Variants in SOBP observed in about 807,000 individuals in gnomAD.
The protein encoded by SOBP is sine oculis-binding protein homolog.
A neutral mutation model predicts 53.6 loss-of-function variants in SOBP; 4 were observed. The observed-to-expected ratio is 0.07, with a 90% confidence interval of 0.04 to 0.17. The LOEUF (loss-of-function observed/expected upper bound fraction) is 0.17, where lower values mean the gene tolerates loss of function less well. SOBP is among the 10% of genes least tolerant of loss of function. The probability of loss-of-function intolerance (pLI) is 1.00; values close to 1 mark genes in which losing one functional copy is unlikely to be tolerated. For synonymous variants in SOBP, 584 were observed against 522.6 expected, an observed-to-expected ratio of 1.12 and a Z score of -1.60; for missense variants, 1,088 against 1,204.7, an observed-to-expected ratio of 0.90 and a Z score of 1.43.
chr6:107,593,039 T>A lies in SOBP; in HGVS notation c.669+5864T>A, dbSNP rs148678340. On this transcript the variant is annotated intron_variant, in intron 5 of 6. Transcript: ENST00000317357. The stretch of plus-strand genomic sequence containing the variant: ...CTGCACATTCCTCTGTTCCCATCTG[T>A]GCTGGTGTTTCATCTTCTTCTCCAG... Among the ~76,000 whole-genome samples the A allele has an allele frequency of 5.6e-3, 848 of 152,348 alleles. 4 individuals carry two copies. The highest frequency in any genetic ancestry group is 0.01 in the Non-Finnish European group (683 of 68,034).
At chr6:107,656,260 A>T (rs1772026902) in intron 6 of SOBP, among the ~76,000 whole-genome samples, 1 of 151,296 alleles carries the variant, frequency 6.6e-6, no homozygotes, top group East Asian at 1.9e-4. Flanking sequence ...CCCTCTCTCC[A>T]TTGTCACTTA....
chr6:107,587,817 C>G (rs1785615362), intron 5 of SOBP, among the ~76,000 whole-genome samples: 1 of 152,136 alleles, frequency 6.6e-6, no homozygotes, highest in South Asian at 2.1e-4. Context: ...GAAAAGCAAG[C>G]AGGAATGCCT....
intron 3 of SOBP, among the ~76,000 whole-genome samples, chr6:107,528,375 A>G (rs1012171689): frequency 2.4e-4 from 36 of 152,170 alleles, no homozygotes; most frequent in African/African-American, 8.7e-4. Context: ...AGTCTTATCC[A>G]TGTTCTGCTG....
intron 5 of SOBP, among the ~76,000 whole-genome samples, chr6:107,606,697 G>A (rs1030018246): frequency 6.6e-6 from 1 of 152,202 alleles, no homozygotes; most frequent in African/African-American, 2.4e-5. Flanking sequence ...CTGGGTGGGG[G>A]ATAGGGCGGC....
chr6:107,490,560 A>T lies in SOBP; in HGVS notation c.-57A>T, dbSNP rs1411759537. On this transcript the variant is annotated 5_prime_UTR_variant, in exon 1 of 7. Transcript: ENST00000317357. ...CTCCACCGCCGCCGCCGCCGCCACCACCACCGCCGGCGGCGGCAGCAGCCA... is the reference window on the plus strand; with the variant it reads ...CTCCACCGCCGCCGCCGCCGCCACCTCCACCGCCGGCGGCGGCAGCAGCCA... 1 of 1,317,460 alleles carries T rather than the reference A, an allele frequency of 7.6e-7. No individual in the cohort carries two copies. The highest frequency in any genetic ancestry group is 1.1e-6 in the Non-Finnish European group (1 of 938,396). The allele number at this position is 1,317,460 out of a possible 1,614,324, so 81.6% of individuals were successfully genotyped here.
At chr6:107,553,563 T>C (rs888479355) in intron 4 of SOBP, among the ~76,000 whole-genome samples, 1 of 151,832 alleles carries the variant, frequency 6.6e-6, no homozygotes, top group Admixed American at 6.6e-5. Context: ...CTCGGCTTAC[T>C]GCAACCTCCG....
At chr6:107,562,434 A>G (rs770172197) in intron 4 of SOBP, among the ~76,000 whole-genome samples, 54 of 152,236 alleles carry the variant, frequency 3.5e-4, no homozygotes, top group Non-Finnish European at 6.6e-4. Flanking sequence ...GCATGCTGCC[A>G]TGAGGTCTTG....
At chr6:107,500,085 A>G (rs573580161) in intron 1 of SOBP, among the ~76,000 whole-genome samples, 1 of 152,320 alleles carries the variant, frequency 6.6e-6, no homozygotes, top group East Asian at 1.9e-4. Context: ...CATTAAATTC[A>G]TGTCTCTTAG....
chr6:107,500,983 T>A (rs949680111), intron 1 of SOBP, among the ~76,000 whole-genome samples: 2 of 152,206 alleles, frequency 1.3e-5, no homozygotes, highest in Non-Finnish European at 2.9e-5. Context: ...GCTTTGAGAT[T>A]TATGGCTTGA....
intron 5 of SOBP, among the ~76,000 whole-genome samples, chr6:107,632,772 G>T (rs1255474663): frequency 6.6e-6 from 1 of 152,184 alleles, no homozygotes; most frequent in African/African-American, 2.4e-5. Context: ...GGGGGAAAAA[G>T]CCATAACAAC....
Position 107,635,379 on chromosome 6 carries a change from C to A in SOBP, c.2535C>A (p.Ile845=), listed in dbSNP as rs779840107. 1.9e-6 allele frequency: 3 copies of A among 1,613,542 alleles called. No individual in the cohort carries two copies. Residue 845 remains isoleucine (I), a synonymous_variant, in exon 6 of 7, where the codon ATC becomes ATA. Transcript: ENST00000317357. The surrounding 1 kb of genome is among the most constrained non-coding windows in gnomAD (Gnocchi z 4.5). Reference sequence around the variant, plus strand: ...AGGCTGCCATGGCACCGTGCATCATCTCCTCGCCCATGCTCAGCGCCGGGC... The same window carrying A: ...AGGCTGCCATGGCACCGTGCATCATATCCTCGCCCATGCTCAGCGCCGGGC... ...AEKAAMAPCI[I]SSPMLSAGPE...
At chr6:107,568,149 G>T (rs1441129743) in intron 4 of SOBP, among the ~76,000 whole-genome samples, 1 of 152,028 alleles carries the variant, frequency 6.6e-6, no homozygotes, top group Admixed American at 6.6e-5. Context: ...GGGTTAAATG[G>T]CGAGAGTCAT....
Position 107,634,789 on chromosome 6 carries a change from C to T in SOBP, c.1945C>T (p.Pro649Ser). 7.1e-7 allele frequency: 1 copy of T among 1,398,670 alleles called. No individual in the cohort carries two copies. Among genetic ancestry groups the T allele is most frequent in the East Asian group, 3.3e-5 (1 of 30,424 alleles). 86.6% of individuals were successfully genotyped at this position (1,398,670 alleles called of 1,614,324 possible). A position where few individuals can be genotyped will look rare whatever the true frequency, so the allele number is the denominator to read the frequency against. Reference sequence around the variant, plus strand: ...CGGCTTCCCAGGCGTGCTGCAGGGCCCGCAGGACGGCGTCATCGACCTGAC... The same window carrying T: ...CGGCTTCCCAGGCGTGCTGCAGGGCTCGCAGGACGGCGTCATCGACCTGAC... ...QLGFPGVLQG[P>S]QDGVIDLTVG... The change falls in exon 6 of 7, where the codon CCG becomes TCG. Residue 649 changes from proline (P) to serine (S), a missense_variant. Physicochemically the swap from Pro to Ser is moderately conservative, Grantham distance 74 (BLOSUM62 -1). Transcript: ENST00000317357. The surrounding 1 kb of genome is among the most constrained non-coding windows in gnomAD (Gnocchi z 4.5).
intron 5 of SOBP, among the ~76,000 whole-genome samples, chr6:107,614,556 C>A (rs773659266): frequency 6.6e-6 from 1 of 152,200 alleles, no homozygotes; most frequent in Non-Finnish European, 1.5e-5. Flanking sequence ...GAAGGCAGTT[C>A]TCTTCTCAGT....
intron 5 of SOBP, among the ~76,000 whole-genome samples, chr6:107,631,351 C>G (rs950558341): frequency 9.9e-5 from 15 of 152,134 alleles, no homozygotes; most frequent in African/African-American, 3.4e-4. Flanking sequence ...GCACTGCAGG[C>G]TTTCTATGGA....
intron 3 of SOBP, among the ~76,000 whole-genome samples, chr6:107,531,671 T>C (rs190775601): frequency 1.1e-4 from 17 of 152,286 alleles, no homozygotes; most frequent in Non-Finnish European, 1.9e-4. Context: ...AAAAGCTTGC[T>C]TTGAATAGAA....
intron 2 of SOBP, among the ~76,000 whole-genome samples, 162 bp downstream of exon 2, chr6:107,503,957 T>C (rs2114945481): frequency 6.6e-6 from 1 of 152,358 alleles, no homozygotes; most frequent in East Asian, 1.9e-4. Context: ...AGCAGAATTC[T>C]GCAGAATATA....
At chr6:107,511,079 A>T (rs1340587037) in intron 3 of SOBP, among the ~76,000 whole-genome samples, 1 of 152,232 alleles carries the variant, frequency 6.6e-6, no homozygotes, top group Admixed American at 6.5e-5. Context: ...AGCATATTAG[A>T]TATTAAATTT....
chr6:107,618,469 G>A (rs1309409342), intron 5 of SOBP, among the ~76,000 whole-genome samples: 1 of 152,204 alleles, frequency 6.6e-6, no homozygotes, highest in African/African-American at 2.4e-5. Context: ...GCCTGTGGCA[G>A]AGAATGGCCA....
Sources: gnomAD v4.1 joint callset for allele counts (sites outside exome capture counted in the v4.1 genomes callset) on GRCh38, gnomAD v4.1.1 for gene constraint, Gnocchi (gnomAD v3.1) non-coding constraint, MANE v1.5 for transcripts, NCBI Gene and HGNC (gene_info 2026-07-23, HGNC 2026-07-21) for gene names.